Variants in UBR3 observed in about 807,000 individuals in gnomAD.
UBR3 encodes ubiquitin protein ligase E3 component n-recognin 3, also known as E3 ubiquitin-protein ligase UBR3.
A neutral mutation model predicts 243.2 loss-of-function variants in UBR3; 85 were observed. The ratio of observed to expected loss-of-function variants is 0.35; its 90% CI spans 0.29 to 0.42. The LOEUF (loss-of-function observed/expected upper bound fraction) is 0.42, where lower values mean the gene tolerates loss of function less well. Among genes scored for constraint, UBR3 ranks in the 10% least tolerant of loss-of-function variants. The pLI is 1.00. For missense variants in UBR3, 1,686 were observed against 2,300.8 expected (o/e 0.73, Z 5.47); for synonymous variants, 748 against 799.8 (o/e 0.94, Z 1.09).
Position 170,055,573 on chromosome 2 carries a change from G to A in UBR3, c.4774G>A (p.Ala1592Thr). The change falls in exon 33 of 39, where the codon GCT (alanine) becomes ACT (threonine). Residue 1592 changes from alanine to threonine, a missense_variant. Ala to Thr is a moderately conservative substitution (Grantham distance 58). Around this residue, in one of 8 missense-constraint regions of UBR3, gnomAD observed 371 missense variants for 422.5 expected, o/e 0.88. Coordinates refer to ENST00000272793, the MANE Select transcript of UBR3 (RefSeq NM_172070.4). ...TAGGTCAGCCTGGAAACACGCGGGA[G>A]CTCTCAAAAAGGTTAGGCTCTTTCT... ...EDRSAWKHAG[A>T]LKKSTCDAEK... 1.2e-6 allele frequency: 2 copies of A among 1,613,136 alleles called. No individual in the cohort carries two copies. Among genetic ancestry groups the A allele is most frequent in the African/African-American group, 1.3e-5 (1 of 74,996 alleles).
Position 169,905,228 on chromosome 2 carries a change from C to T in UBR3, c.1580C>T (p.Ala527Val). Residue 527 changes from alanine (A) to valine (V), a missense_variant, in exon 9 of 39, where the codon GCC (alanine) becomes GTC (valine). Transcript: ENST00000272793. ...AATATTCTTTCTCATCAAAGTGTGG[C>T]CAAGAGATTTTTGGAGGATCACGGT... ...FINILSHQSV[A>V]KRFLEDHGLL... The T allele has an allele frequency of 6.5e-7, 1 of 1,541,570 alleles. No individual in the cohort carries two copies. The highest frequency in any genetic ancestry group is 8.8e-7 in the Non-Finnish European group (1 of 1,142,336).
At position 169,908,359 on chromosome 2, in the gene UBR3, A is replaced by G. The variant is rs539023823; in HGVS notation, c.1779+2195A>G. ...TTTAAAGTTTTCTTAAAAAATTCTC[A>G]AGACTCAGATATATAATCTACTCAT... On this transcript the variant is annotated intron_variant, in intron 10 of 38. Coordinates refer to ENST00000272793, the MANE Select transcript of UBR3 (RefSeq NM_172070.4). Among the ~76,000 whole-genome samples the G allele has an allele frequency of 2.9e-3, 436 of 152,344 alleles. 1 individual carries two copies. Among genetic ancestry groups the G allele is most frequent in the Non-Finnish European group, 5.3e-3 (359 of 68,026 alleles).
intron 25 of UBR3, among the ~76,000 whole-genome samples, chr2:169,989,386 CCAT>C (rs2105390595): frequency 1.3e-5 from 2 of 152,176 alleles, no homozygotes; most frequent in South Asian, 4.2e-4. Flanking sequence ...CCCCCTCCTC[CCAT>C]CATTTTACTT....
intron 25 of UBR3, among the ~76,000 whole-genome samples, chr2:169,991,133 G>C (rs536564435): frequency 3.9e-5 from 6 of 152,082 alleles, no homozygotes; most frequent in Non-Finnish European, 8.8e-5. Flanking sequence ...ATTATATATT[G>C]ATAAACAGCC....
At chr2:169,844,995 T>C (rs1024186023) in intron 1 of UBR3, among the ~76,000 whole-genome samples, 1 of 152,212 alleles carries the variant, frequency 6.6e-6, no homozygotes, top group Non-Finnish European at 1.5e-5. Context: ...TAATAAGATA[T>C]AATGCAATAA....
Position 170,007,301 on chromosome 2 carries a change from T to A in UBR3, c.4230+111T>A. 3.3e-6 allele frequency: 4 copies of A among 1,207,426 alleles called. No individual in the cohort carries two copies. In the South Asian group the frequency reaches 6.3e-5, roughly 19 times the overall value. 74.8% of individuals were successfully genotyped at this position (1,207,426 alleles called of 1,614,324 possible). A position where few individuals can be genotyped will look rare whatever the true frequency, so the allele number is the denominator to read the frequency against. On this transcript the variant is annotated intron_variant, in intron 28 of 38. Transcript: ENST00000272793. ...TGGACTTTTACATATTTAGTAGAAA[T>A]TGCTTTTAGAGGTTTTGTTCTCTTC...
chr2:169,964,235 T>A (rs2087709015), intron 24 of UBR3, among the ~76,000 whole-genome samples: 2 of 152,180 alleles, frequency 1.3e-5, no homozygotes, highest in African/African-American at 4.8e-5. Context: ...TGCTCTGAAG[T>A]TACTTAAGAG....
chr2:169,928,471 CG>C (rs2085992383), intron 17 of UBR3, among the ~76,000 whole-genome samples: 1 of 151,902 alleles, frequency 6.6e-6, no homozygotes, highest in Non-Finnish European at 1.5e-5. Flanking sequence ...AAATTTATTT[CG>C]GGGAAAATAT....
At chr2:169,973,736 T>C (rs1041273555) in intron 24 of UBR3, among the ~76,000 whole-genome samples, 2 of 152,188 alleles carry the variant, frequency 1.3e-5, no homozygotes, top group Non-Finnish European at 2.9e-5. Flanking sequence ...AGTTCTGTGT[T>C]GGAAAAGAGT....
chr2:169,977,499 C>T (rs568687897), intron 24 of UBR3, among the ~76,000 whole-genome samples: 3 of 152,134 alleles, frequency 2.0e-5, no homozygotes, highest in Non-Finnish European at 4.4e-5. Flanking sequence ...GGCCTGCAAA[C>T]CCCCAAGAGT....
At chr2:169,924,471 T>TA (rs1161338448) in intron 13 of UBR3, among the ~76,000 whole-genome samples, 1 of 152,202 alleles carries the variant, frequency 6.6e-6, no homozygotes, top group East Asian at 1.9e-4. Flanking sequence ...GCCTTGGTGC[T>TA]ACCACTGTTT....
Position 170,082,779 on chromosome 2 carries a change from C to T in UBR3, c.*936C>T, listed in dbSNP as rs184700373. ...TAAATTTTGGAACTTCCTTTCAGCT[C>T]AAGAGGTTCAGCTATATTGTATTTG... On this transcript the variant is annotated 3_prime_UTR_variant, in exon 39 of 39. Coordinates refer to ENST00000272793, the MANE Select transcript of UBR3 (RefSeq NM_172070.4). 9.3e-4 allele frequency: 141 copies of T among 152,282 alleles called. No homozygotes were observed. The highest frequency in any genetic ancestry group is 3.2e-3 in the African/African-American group (133 of 41,546). The allele number at this position is 152,282 out of a possible 1,614,324, so 9.4% of individuals were successfully genotyped here.
At chr2:170,066,762 G>A (rs1295476594) in intron 35 of UBR3, among the ~76,000 whole-genome samples, 1 of 151,952 alleles carries the variant, frequency 6.6e-6, no homozygotes, top group African/African-American at 2.4e-5. Flanking sequence ...TCAGGAGATC[G>A]AGACCATCCT....
chr2:170,056,003 C>CTTTTTTTTTTTTTTTTTTTTTTTTTTT (rs34415442), intron 33 of UBR3, among the ~76,000 whole-genome samples: 1 of 88,918 alleles, frequency 1.1e-5, no homozygotes. Context: ...TCTTTTCTTT[C>CTTTTTTTTTTTTTTTTTTTTTTTTTTT]TTTTTTTTTT....
At chr2:169,993,380 G>C (rs1321685032) in intron 25 of UBR3, among the ~76,000 whole-genome samples, 1 of 152,102 alleles carries the variant, frequency 6.6e-6, no homozygotes, top group African/African-American at 2.4e-5. Flanking sequence ...TTTTATAGCA[G>C]ATATTTCTTG....
In UBR3 at chr2:169,926,717, A is replaced by G. The variant is rs1442271750; in HGVS notation, c.2177A>G (p.Asp726Gly). ...GTTTGTGCTTCTAGACTTGACCCAG[A>G]TTATTTTATTTCATCCGTCTTTGAA... is the stretch of plus-strand genomic sequence containing the variant. ...LQVCASRLDPDYFISSVFERF... is the reference protein window; with the variant it reads ...LQVCASRLDPGYFISSVFERF... The change falls in exon 15 of 39, where the codon GAT becomes GGT. Residue 726 changes from aspartate (D) to glycine (G), a missense_variant. By Grantham distance (94) the Asp-to-Gly change is moderately conservative (BLOSUM62 -1). Around this residue, in one of 8 missense-constraint regions of UBR3, gnomAD observed 346 missense variants for 585.8 expected, o/e 0.59. Transcript: ENST00000272793. 3.2e-6 allele frequency: 5 copies of G among 1,550,010 alleles called. No individual in the cohort carries two copies. The Admixed American group carries it at 5.9e-5, about 18-fold the overall frequency.
At chr2:170,058,325 A>G (rs776705170) in intron 33 of UBR3, among the ~76,000 whole-genome samples, 4 of 152,034 alleles carry the variant, frequency 2.6e-5, no homozygotes, top group African/African-American at 4.8e-5. Flanking sequence ...TATCGGTATT[A>G]TATATTATTT....
chr2:169,856,544 T>C (rs13016995), intron 1 of UBR3, among the ~76,000 whole-genome samples: 63,546 of 152,036 alleles, frequency 0.42, 15,084 homozygotes, highest in Non-Finnish European at 0.54. Flanking sequence ...CTGGGCAGCA[T>C]TGAGCACTGA....
chr2:170,039,994 A>T (rs564599852), intron 31 of UBR3, among the ~76,000 whole-genome samples: 18 of 152,116 alleles, frequency 1.2e-4, no homozygotes, highest in African/African-American at 4.1e-4. Context: ...TCAGCCTCCC[A>T]TGCCTATTGG....
Sources: allele counts gnomAD v4.1 joint callset (sites outside exome capture counted in the v4.1 genomes callset), GRCh38; gene constraint gnomAD v4.1.1; regional missense constraint gnomAD v4.1.1; transcripts MANE v1.5; gene names NCBI Gene and HGNC (gene_info 2026-07-23, HGNC 2026-07-21).